The following PACRG variants were observed in gnomAD, a reference collection of about 807,000 sequenced individuals.
PACRG encodes the protein parkin coregulated gene protein.
Under a neutral mutation model 29.7 loss-of-function variants are expected in PACRG, and 29 were observed. The ratio of observed to expected loss-of-function variants is 0.98; its 90% CI spans 0.73 to 1.33. The LOEUF is 1.33. PACRG is among the 40% of genes most tolerant of loss of function. The pLI is 0.00. For synonymous variants in PACRG, 116 were observed against 118.7 expected (o/e 0.98, Z 0.15); for missense variants, 279 against 316.2 (o/e 0.88, Z 0.89).
chr6:163,112,007 C>T lies in PACRG; in HGVS notation c.613+22599C>T, dbSNP rs974001111. 3 of 927,806 alleles carry T rather than the reference C, an allele frequency of 3.2e-6. No individual in the cohort carries two copies. In the Admixed American group the frequency reaches 1.9e-4, roughly 57 times the overall value. The allele number at this position is 927,806 out of a possible 1,614,324, so 57.5% of individuals were successfully genotyped here. The stretch of plus-strand genomic sequence containing the variant: ...TATTTTCTGATAATCTAGGTTTTCA[C>T]TTGATTTGCTTTATTTAGGTGACAC... On this transcript the variant is annotated intron_variant, in intron 4 of 4. Transcript: ENST00000366888.
chr6:162,963,095 A>G (rs561805319), intron 2 of PACRG, among the ~76,000 whole-genome samples: 2 of 152,336 alleles, frequency 1.3e-5, no homozygotes, highest in South Asian at 2.1e-4. Context: ...CAGAATAACT[A>G]AAAACTTAGT....
intron 2 of PACRG, among the ~76,000 whole-genome samples, chr6:162,852,002 AGGG>A (rs1284031824): frequency 2.5e-4 from 29 of 116,290 alleles, no homozygotes; most frequent in Non-Finnish European, 3.4e-4. Flanking sequence ...GGAGGGAGGG[AGGG>A]AGGAAGGAAG....
At chr6:162,762,984 A>T (rs28360572) in intron 1 of PACRG, among the ~76,000 whole-genome samples, 12,696 of 152,266 alleles carry the variant, frequency 0.083, 694 homozygotes, top group South Asian at 0.22. Flanking sequence ...AACTAAAAAC[A>T]TCCACTCAAA....
intron 2 of PACRG, among the ~76,000 whole-genome samples, chr6:163,016,714 G>A (rs184379121): frequency 2.0e-5 from 3 of 151,872 alleles, no homozygotes; most frequent in African/African-American, 7.2e-5. Context: ...TATTTGACAG[G>A]GAAACTAGAA....
At chr6:163,156,078 A>G (rs995642499) in intron 4 of PACRG, among the ~76,000 whole-genome samples, 1 of 152,142 alleles carries the variant, frequency 6.6e-6, no homozygotes, top group Non-Finnish European at 1.5e-5. Flanking sequence ...CGTGTGCGGA[A>G]AGCTGCCTTG....
intron 4 of PACRG, among the ~76,000 whole-genome samples, chr6:163,141,564 A>G (rs1171917544): frequency 6.6e-6 from 1 of 152,024 alleles, no homozygotes; most frequent in Non-Finnish European, 1.5e-5. Flanking sequence ...ATATTTAATC[A>G]CTATGGAATT....
Position 162,808,276 on chromosome 6 carries a change from A to C in PACRG, c.157-5871A>C, listed in dbSNP as rs867159388. Among the ~76,000 whole-genome samples the C allele has an allele frequency of 3.3e-5, 5 of 152,294 alleles. No individual in the cohort carries two copies. In the Middle Eastern group the frequency reaches 0.014, roughly 414 times the overall value. On this transcript the variant is annotated intron_variant, in intron 1 of 4. Transcript: ENST00000366888. ...AACAGGTCTTGCCCACCCGTTTATA[A>C]CAATGGCGTTTTCATGAATCAGAAT... is the stretch of plus-strand genomic sequence containing the variant.
chr6:163,121,942 G>T (rs1046890738), intron 4 of PACRG, among the ~76,000 whole-genome samples: 62 of 152,052 alleles, frequency 4.1e-4, no homozygotes, highest in Admixed American at 1.2e-3. Context: ...GATTACAGGT[G>T]TGAGCCACCA....
At chr6:163,109,990 A>G (rs527726903) in intron 4 of PACRG, among the ~76,000 whole-genome samples, 1 of 139,740 alleles carries the variant, frequency 7.2e-6, no homozygotes, top group Non-Finnish European at 1.5e-5. Flanking sequence ...CTAGAGCTTG[A>G]CCACTGAGAT....
At chr6:162,801,122 A>G (rs977494535) in intron 1 of PACRG, among the ~76,000 whole-genome samples, 3 of 151,748 alleles carry the variant, frequency 2.0e-5, no homozygotes, top group African/African-American at 4.8e-5. Flanking sequence ...ATATTTGTCA[A>G]TTTTCTTTTT....
intron 3 of PACRG, among the ~76,000 whole-genome samples, chr6:163,078,721 T>C (rs1331717787): frequency 1.3e-5 from 2 of 152,178 alleles, no homozygotes; most frequent in Non-Finnish European, 2.9e-5. Flanking sequence ...TGCTCCCATG[T>C]GGAGGCTGAG....
At chr6:163,161,465 A>G (rs982011571) in intron 4 of PACRG, among the ~76,000 whole-genome samples, 15 of 152,200 alleles carry the variant, frequency 9.9e-5, no homozygotes, top group Admixed American at 7.8e-4. Context: ...GACTGGATGC[A>G]TTCCTTTGTA....
chr6:162,904,109 C>T (rs1308869658), intron 2 of PACRG, among the ~76,000 whole-genome samples: 1 of 152,206 alleles, frequency 6.6e-6, no homozygotes, highest in Non-Finnish European at 1.5e-5. Context: ...ATTCCTTCCT[C>T]CTCCTTCAGA....
intron 3 of PACRG, 41 bp downstream of exon 3, chr6:163,062,362 T>G: frequency 6.5e-7 from 1 of 1,544,866 alleles, no homozygotes. Flanking sequence ...GTTTATACGG[T>G]GTTGCTTTTT....
chr6:163,002,388 G>A (rs1562820973), intron 2 of PACRG, among the ~76,000 whole-genome samples: 1 of 152,084 alleles, frequency 6.6e-6, no homozygotes, highest in Non-Finnish European at 1.5e-5. Context: ...CCTTCCACTT[G>A]ACCTTCAAAA....
intron 4 of PACRG, among the ~76,000 whole-genome samples, chr6:163,127,530 A>G (rs1176458392): frequency 6.6e-6 from 1 of 152,010 alleles, no homozygotes; most frequent in Non-Finnish European, 1.5e-5. Context: ...CACATTCACT[A>G]TTGTTAAATA....
intron 4 of PACRG, among the ~76,000 whole-genome samples, chr6:163,164,755 G>C (rs989265406): frequency 1.3e-5 from 2 of 152,156 alleles, no homozygotes; most frequent in African/African-American, 4.8e-5. Flanking sequence ...AACTAGATAG[G>C]CCACATGGTT....
At chr6:163,225,700 A>T (rs1286410377) in intron 4 of PACRG, among the ~76,000 whole-genome samples, 1 of 152,212 alleles carries the variant, frequency 6.6e-6, no homozygotes, top group African/African-American at 2.4e-5. Context: ...CAGCAATCCC[A>T]CTTCTGGGTA....
intron 4 of PACRG, chr6:163,170,609 A>G (rs979409048): frequency 2.0e-5 from 3 of 152,176 alleles, no homozygotes; most frequent in African/African-American, 7.2e-5. Context: ...TCTAAATCTT[A>G]TGGTAGCTTG....
Sources: gnomAD v4.1 joint callset for allele counts (sites outside exome capture counted in the v4.1 genomes callset) on GRCh38, gnomAD v4.1.1 for gene constraint, MANE v1.5 for transcripts, NCBI Gene and HGNC (gene_info 2026-07-23, HGNC 2026-07-21) for gene names.